Variants in LYPD6B observed in about 807,000 individuals in gnomAD.
The protein encoded by LYPD6B is LY6/PLAUR domain containing 6B, also known as ly6/PLAUR domain-containing protein 6B.
LYPD6B carries 17 observed loss-of-function variants against 22.8 expected under a neutral mutation model. That is an observed-to-expected ratio of 0.75 (90% CI 0.51 to 1.12). The LOEUF is 1.12. Among genes scored for constraint, LYPD6B ranks in the 50% most tolerant of loss-of-function variants. The pLI is 0.00. For missense variants in LYPD6B, 221 were observed against 258.3 expected (o/e 0.86, Z 0.99); for synonymous variants, 106 against 91.6 (o/e 1.16, Z -0.90).
At chr2:149,193,296 C>T (rs917334049) in intron 3 of LYPD6B, among the ~76,000 whole-genome samples, 1 of 152,008 alleles carries the variant, frequency 6.6e-6, no homozygotes, top group African/African-American at 2.4e-5. Flanking sequence ...TTGTTACATG[C>T]CACTACTTTT....
intron 1 of LYPD6B, among the ~76,000 whole-genome samples, chr2:149,098,643 A>AAAAAAAAAAAAAAAAAAAAAAGAAAG (rs57783804): frequency 9.2e-5 from 12 of 130,956 alleles, no homozygotes; most frequent in South Asian, 2.2e-4. Context: ...AAAAAAAAAA[A>AAAAAAAAAAAAAAAAAAAAAAGAAAG]AAAAAAGAAA....
intron 1 of LYPD6B, among the ~76,000 whole-genome samples, chr2:149,079,010 T>C (rs1449273159): frequency 6.6e-6 from 1 of 151,592 alleles, no homozygotes; most frequent in Admixed American, 6.6e-5. Context: ...CCTGTCTTTT[T>C]TTTTTTTTTA....
chr2:149,041,337 A>G (rs1204089019), intron 1 of LYPD6B, among the ~76,000 whole-genome samples: 2 of 152,194 alleles, frequency 1.3e-5, no homozygotes, highest in African/African-American at 4.8e-5. Context: ...ACATGACAAC[A>G]TCCAAAGCAG....
At chr2:149,200,458 G>T (rs1186695613) in intron 3 of LYPD6B, among the ~76,000 whole-genome samples, 1 of 151,764 alleles carries the variant, frequency 6.6e-6, no homozygotes, top group Non-Finnish European at 1.5e-5. Context: ...AATGAGGTTG[G>T]CTCTATTCCA....
chr2:149,126,318 T>C (rs1687693582), intron 1 of LYPD6B, among the ~76,000 whole-genome samples: 1 of 152,222 alleles, frequency 6.6e-6, no homozygotes, highest in African/African-American at 2.4e-5. Flanking sequence ...AATCCATGTA[T>C]GATTTCTAAC....
intron 3 of LYPD6B, among the ~76,000 whole-genome samples, chr2:149,189,366 A>ATATATATATATG (rs1247667067): frequency 1.2e-5 from 1 of 85,602 alleles, no homozygotes; most frequent in African/African-American, 3.6e-5. Flanking sequence ...ATATATATAT[A>ATATATATATATG]TACACACACA....
chr2:149,175,569 ACT>A (rs1267548368), intron 3 of LYPD6B, among the ~76,000 whole-genome samples: 1 of 152,036 alleles, frequency 6.6e-6, no homozygotes, highest in African/African-American at 2.4e-5. Context: ...GTTTACTGTA[ACT>A]CTTTATAAAC....
At chr2:149,166,626 C>G (rs1171619215) in intron 3 of LYPD6B, among the ~76,000 whole-genome samples, 1 of 152,124 alleles carries the variant, frequency 6.6e-6, no homozygotes, top group Non-Finnish European at 1.5e-5. Flanking sequence ...ATCCTTGTCT[C>G]TTGACTCTAC....
chr2:149,069,628 G>A (rs1218333107), intron 1 of LYPD6B, among the ~76,000 whole-genome samples: 3 of 151,392 alleles, frequency 2.0e-5, no homozygotes, highest in African/African-American at 7.3e-5. Context: ...ATTTGCCAAA[G>A]ACTTTGAAGC....
intron 3 of LYPD6B, among the ~76,000 whole-genome samples, chr2:149,163,225 A>G (rs1233253056): frequency 2.6e-5 from 4 of 152,170 alleles, no homozygotes. Flanking sequence ...GAGTTTCAAT[A>G]GATGCAGCAA....
chr2:149,059,014 C>T (rs1471647), intron 1 of LYPD6B, among the ~76,000 whole-genome samples: 80,739 of 152,072 alleles, frequency 0.53, 22,778 homozygotes, highest in Non-Finnish European at 0.61. Context: ...ATTTTGAGGG[C>T]AGCCACGGTC....
Position 149,160,840 on chromosome 2 carries a change from G to A in LYPD6B, c.77+5G>A, listed in dbSNP as rs1373458618. On this transcript the variant is annotated splice_donor_5th_base_variant and intron_variant, in intron 3 of 6. Coordinates refer to ENST00000409642, the MANE Select transcript of LYPD6B (RefSeq NM_177964.5). The stretch of plus-strand genomic sequence containing the variant: ...AACCACATTCTCCTTCTCAAGGTAA[G>A]AATGGCAGCTGTTACAACAGCCCTC... 11 of 1,549,306 alleles carry A rather than the reference G, an allele frequency of 7.1e-6. No homozygotes were observed. The Admixed American group carries it at 1.8e-4, about 25-fold the overall frequency.
At chr2:149,178,391 A>G (rs1691472300) in intron 3 of LYPD6B, among the ~76,000 whole-genome samples, 1 of 152,250 alleles carries the variant, frequency 6.6e-6, no homozygotes, top group South Asian at 2.1e-4. Context: ...ATGTCCGTGC[A>G]AAATTAACTA....
In LYPD6B at chr2:149,068,062, A is replaced by T. The variant is rs1387949329; in HGVS notation, c.-67+29261A>T. On this transcript the variant is annotated intron_variant, in intron 1 of 6. Coordinates refer to ENST00000409642, the MANE Select transcript of LYPD6B (RefSeq NM_177964.5). ...AGGTTTTTGTTTTTCGGGCTTCTTTATTGAGACTGGAAAAGTCTTTGCCCA... is the reference window on the plus strand; with the variant it reads ...AGGTTTTTGTTTTTCGGGCTTCTTTTTTGAGACTGGAAAAGTCTTTGCCCA... Among the ~76,000 whole-genome samples the T allele has an allele frequency of 2.6e-5, 4 of 152,132 alleles. 1 individual carries two copies. The highest frequency in any genetic ancestry group is 5.9e-5 in the Non-Finnish European group (4 of 68,022).
intron 2 of LYPD6B, among the ~76,000 whole-genome samples, chr2:149,156,902 G>A (rs1689738119): frequency 6.6e-6 from 1 of 152,268 alleles, no homozygotes; most frequent in Admixed American, 6.5e-5. Context: ...TTTGAGAATT[G>A]GATTCAGGCT....
intron 3 of LYPD6B, among the ~76,000 whole-genome samples, chr2:149,183,472 A>T (rs552988085): frequency 6.6e-6 from 1 of 151,916 alleles, no homozygotes; most frequent in Non-Finnish European, 1.5e-5. Context: ...CATTTGTTCT[A>T]TGTGGCCAAT....
chr2:149,214,469 T>G, intron 6 of LYPD6B, 77 bp from the exon 7 acceptor site: 2 of 1,481,616 alleles, frequency 1.3e-6, no homozygotes, highest in Non-Finnish European at 1.9e-6. Flanking sequence ...CAAGAAGCCT[T>G]TGTTTTATCT....
At chr2:149,186,828 A>G (rs1481500887) in intron 3 of LYPD6B, among the ~76,000 whole-genome samples, 2 of 152,190 alleles carry the variant, frequency 1.3e-5, no homozygotes, top group African/African-American at 4.8e-5. Flanking sequence ...TCTATGGGTA[A>G]AATGCTATTA....
chr2:149,212,395 A>AAAAAAAG (rs1693923189), intron 5 of LYPD6B, among the ~76,000 whole-genome samples: 1 of 150,848 alleles, frequency 6.6e-6, no homozygotes, highest in Non-Finnish European at 1.5e-5. Context: ...AAAAAAAAAA[A>AAAAAAAG]AAAAAAAAAG....
Sources: gnomAD v4.1 joint callset for allele counts (sites outside exome capture counted in the v4.1 genomes callset) on GRCh38, gnomAD v4.1.1 for gene constraint, MANE v1.5 for transcripts, NCBI Gene and HGNC (gene_info 2026-07-23, HGNC 2026-07-21) for gene names.